Variants in RAPGEF6 observed in about 807,000 individuals in gnomAD.
RAPGEF6 encodes the protein PDZ domain containing guanine nucleotide exchange factor (GEF) 2.
In RAPGEF6, 56 loss-of-function variants were observed where a neutral mutation model predicts 171.4. That is an observed-to-expected ratio of 0.33 (90% CI 0.26 to 0.41). The LOEUF is 0.41. RAPGEF6 is among the 10% of genes least tolerant of loss of function. The pLI, the probability that RAPGEF6 is intolerant of heterozygous loss-of-function variation, is 1.00. For synonymous variants in RAPGEF6, 692 were observed against 650.1 expected (o/e 1.06, Z -0.98); for missense variants, 1,674 against 1,921.4 (o/e 0.87, Z 2.41).
intron 1 of RAPGEF6, among the ~76,000 whole-genome samples, chr5:131,613,227 G>T (rs760436044): frequency 6.6e-6 from 1 of 152,094 alleles, no homozygotes; most frequent in Non-Finnish European, 1.5e-5. Flanking sequence ...TGTCTAACAC[G>T]GTGAAACCCC....
intron 6 of RAPGEF6, chr5:131,533,028 T>C (rs1759501315): frequency 6.6e-6 from 1 of 152,580 alleles, no homozygotes; most frequent in Non-Finnish European, 1.5e-5. Flanking sequence ...AGATGAAATA[T>C]CTAATAAGAA....
intron 4 of RAPGEF6, among the ~76,000 whole-genome samples, chr5:131,580,916 C>A (rs973170230): frequency 6.6e-6 from 1 of 152,172 alleles, no homozygotes; most frequent in Non-Finnish European, 1.5e-5. Flanking sequence ...TGGGAATGAA[C>A]AACTGCCTGT....
intron 8 of RAPGEF6, among the ~76,000 whole-genome samples, chr5:131,509,411 C>T (rs527606331): frequency 1.7e-3 from 262 of 151,960 alleles, no homozygotes; most frequent in Admixed American, 3.5e-3. Context: ...GGCGTGGTGG[C>T]GGGCGCCTGT....
chr5:131,558,809 A>G (rs192680774), intron 5 of RAPGEF6, among the ~76,000 whole-genome samples: 140 of 152,300 alleles, frequency 9.2e-4, no homozygotes, highest in Admixed American at 3.5e-3. Flanking sequence ...GTCAGAAACT[A>G]TAAAATTTTA....
intron 4 of RAPGEF6, among the ~76,000 whole-genome samples, chr5:131,570,818 G>A (rs765214409): frequency 2.0e-5 from 3 of 152,048 alleles, no homozygotes; most frequent in Admixed American, 6.6e-5. Context: ...AAGAAGGTGT[G>A]GAAAGTAGAG....
chr5:131,629,400 T>G (rs1766151995), intron 1 of RAPGEF6, among the ~76,000 whole-genome samples: 1 of 152,068 alleles, frequency 6.6e-6, no homozygotes. Context: ...CCAACCTTTA[T>G]GAATGACTTT....
At chr5:131,466,095 CAAA>C (rs769107975) in intron 17 of RAPGEF6, among the ~76,000 whole-genome samples, 19 of 50,892 alleles carry the variant, frequency 3.7e-4, no homozygotes, top group Admixed American at 4.0e-4. Context: ...GACTGAGGAC[CAAA>C]AAAAAAAAAA....
intron 4 of RAPGEF6, among the ~76,000 whole-genome samples, chr5:131,585,177 T>C (rs1369387917): frequency 1.3e-5 from 2 of 151,804 alleles, no homozygotes; most frequent in Admixed American, 6.6e-5. Context: ...GGTATCCCTA[T>C]GGAAAACGAC....
At chr5:131,528,257 TAAA>T (rs1759076385) in intron 6 of RAPGEF6, among the ~76,000 whole-genome samples, 1 of 123,532 alleles carries the variant, frequency 8.1e-6, no homozygotes, top group South Asian at 2.3e-4. Flanking sequence ...ATAAATAAAA[TAAA>T]ATAATATATT....
At chr5:131,596,232 T>C (rs1343626416) in intron 3 of RAPGEF6, among the ~76,000 whole-genome samples, 1 of 89,570 alleles carries the variant, frequency 1.1e-5, no homozygotes, top group African/African-American at 2.6e-5. Context: ...GGAGTAGCCA[T>C]GCTTACTTTA....
At chr5:131,565,570 G>T (rs1761881067) in intron 4 of RAPGEF6, among the ~76,000 whole-genome samples, 1 of 152,082 alleles carries the variant, frequency 6.6e-6, no homozygotes, top group African/African-American at 2.4e-5. Flanking sequence ...GAACAAAGTT[G>T]AAATATTTAT....
intron 6 of RAPGEF6, among the ~76,000 whole-genome samples, chr5:131,540,247 A>T (rs1170549255): frequency 6.6e-6 from 1 of 152,132 alleles, no homozygotes; most frequent in Non-Finnish European, 1.5e-5. Flanking sequence ...TATAACCAAC[A>T]CTCATACAGG....
intron 21 of RAPGEF6, among the ~76,000 whole-genome samples, chr5:131,449,699 A>G (rs1310175949): frequency 6.6e-6 from 1 of 152,212 alleles, no homozygotes; most frequent in Non-Finnish European, 1.5e-5. Flanking sequence ...ATTAAGTAAG[A>G]TAATTCGTTT....
chr5:131,456,707 T>C lies in RAPGEF6; in HGVS notation c.2865-695A>G, dbSNP rs189635624. The stretch of plus-strand genomic sequence containing the variant: ...TATATACAATGCCTCAATTTTCTTA[T>C]CAGCAAATCCTGTTTCTCAGCCATC... On this transcript the variant is annotated intron_variant, in intron 19 of 27. Coordinates refer to ENST00000509018, the MANE Select transcript of RAPGEF6 (RefSeq NM_016340.6). Among the ~76,000 whole-genome samples the C allele has an allele frequency of 3.6e-3, 544 of 152,348 alleles. 3 individuals carry two copies. Among genetic ancestry groups the C allele is most frequent in the African/African-American group, 0.012 (512 of 41,584 alleles).
At chr5:131,552,833 G>C (rs1581013803) in intron 5 of RAPGEF6, among the ~76,000 whole-genome samples, 1 of 151,770 alleles carries the variant, frequency 6.6e-6, no homozygotes, top group African/African-American at 2.4e-5. Flanking sequence ...TGAACTCATA[G>C]ACAAATATAA....
intron 13 of RAPGEF6, among the ~76,000 whole-genome samples, chr5:131,493,882 C>CT: frequency 1.3e-5 from 2 of 152,294 alleles, no homozygotes; most frequent in Middle Eastern, 6.8e-3. Flanking sequence ...TGGAGTACCT[C>CT]TATAACCTTT....
At chr5:131,552,792 A>C (rs892178510) in intron 5 of RAPGEF6, among the ~76,000 whole-genome samples, 8 of 152,108 alleles carry the variant, frequency 5.3e-5, no homozygotes, top group African/African-American at 1.9e-4. Flanking sequence ...TAAACCTCAA[A>C]GTATTACTGT....
chr5:131,557,195 T>G (rs760768094), intron 5 of RAPGEF6, among the ~76,000 whole-genome samples: 1 of 152,218 alleles, frequency 6.6e-6, no homozygotes, highest in African/African-American at 2.4e-5. Flanking sequence ...GCACTAAATT[T>G]TAGACAAATT....
intron 5 of RAPGEF6, among the ~76,000 whole-genome samples, chr5:131,559,825 T>C (rs1340201686): frequency 6.7e-6 from 1 of 150,304 alleles, no homozygotes; most frequent in East Asian, 1.9e-4. Flanking sequence ...GGTAAGCCCC[T>C]TTTCTTTAAG....
Sources: allele counts gnomAD v4.1 joint callset (sites outside exome capture counted in the v4.1 genomes callset), GRCh38; gene constraint gnomAD v4.1.1; transcripts MANE v1.5; gene names NCBI Gene and HGNC (gene_info 2026-07-23, HGNC 2026-07-21).